RHBDL2: variants seen among roughly 807,000 people sequenced by gnomAD.
RHBDL2 encodes rhomboid like 2.
RHBDL2 carries 26 observed loss-of-function variants against 31.7 expected under a neutral mutation model. That is an observed-to-expected ratio of 0.82 (90% CI 0.60 to 1.14). The LOEUF (loss-of-function observed/expected upper bound fraction) is 1.14, where lower values mean the gene tolerates loss of function less well. Ranked by LOEUF, RHBDL2 falls within the 50% of genes most tolerant of loss-of-function variation. RHBDL2 has a pLI of 0.00. For missense variants in RHBDL2, 336 were observed against 364.4 expected (o/e 0.92, Z 0.63); for synonymous variants, 123 against 127.2 (o/e 0.97, Z 0.22).
chr1:38,935,396 G>A (rs918270035), intron 1 of RHBDL2, among the ~76,000 whole-genome samples: 8 of 152,282 alleles, frequency 5.3e-5, no homozygotes, highest in African/African-American at 1.9e-4. Flanking sequence ...AATTCTAGAG[G>A]AATTCAAAGG....
At chr1:38,915,362 T>G (rs1643218323) in intron 3 of RHBDL2, 200 bp downstream of exon 3, 1 of 508,822 alleles carries the variant, frequency 2.0e-6, no homozygotes, top group Non-Finnish European at 3.5e-6. Flanking sequence ...TGACCTCAAG[T>G]GATCTGCCCA....
At chr1:38,941,077 G>A (rs1177898482) in intron 1 of RHBDL2, among the ~76,000 whole-genome samples, 1 of 152,214 alleles carries the variant, frequency 6.6e-6, no homozygotes, top group Non-Finnish European at 1.5e-5. Flanking sequence ...CCCAAGAGGA[G>A]CAGAAATTGC....
At chr1:38,917,110 T>C (rs898588104) in intron 2 of RHBDL2, among the ~76,000 whole-genome samples, 2 of 147,832 alleles carry the variant, frequency 1.4e-5, no homozygotes, top group Non-Finnish European at 3.0e-5. Context: ...TTCTGCCTCC[T>C]GGGTTCACGC....
At chr1:38,903,381 C>G (rs1022714294) in intron 4 of RHBDL2, among the ~76,000 whole-genome samples, 10 of 152,034 alleles carry the variant, frequency 6.6e-5, no homozygotes, top group African/African-American at 2.4e-4. Context: ...CTCAGGCGAT[C>G]CACCTGCCTC....
At chr1:38,935,907 C>T (rs1389787041) in intron 1 of RHBDL2, among the ~76,000 whole-genome samples, 1 of 151,956 alleles carries the variant, frequency 6.6e-6, no homozygotes, top group African/African-American at 2.4e-5. Flanking sequence ...AGCCACCACA[C>T]CCGGCCCTAT....
intron 1 of RHBDL2, among the ~76,000 whole-genome samples, chr1:38,940,610 G>A (rs574953924): frequency 1.3e-5 from 2 of 152,256 alleles, no homozygotes; most frequent in East Asian, 3.9e-4. Context: ...CTAAGGTGAG[G>A]GAGTTGCTGG....
chr1:38,901,841 A>AAAAT (rs139309825), intron 4 of RHBDL2, among the ~76,000 whole-genome samples: 36,164 of 148,890 alleles, frequency 0.24, 4,742 homozygotes, highest in Non-Finnish European at 0.31. Context: ...CAAAAAAAAT[A>AAAAT]AAATAAATAA....
intron 1 of RHBDL2, among the ~76,000 whole-genome samples, chr1:38,940,471 C>T (rs1455862568): frequency 6.6e-6 from 1 of 152,144 alleles, no homozygotes; most frequent in East Asian, 1.9e-4. Context: ...CCTCCCAAAT[C>T]ACTGGGAGCG....
chr1:38,929,365 T>C, intron 1 of RHBDL2: 3 of 1,279,804 alleles, frequency 2.3e-6, no homozygotes, highest in Non-Finnish European at 3.1e-6. Flanking sequence ...TTTGCCTCTT[T>C]GAGAAGCCAG....
intron 1 of RHBDL2, among the ~76,000 whole-genome samples, chr1:38,936,836 G>A (rs1179465375): frequency 1.3e-5 from 2 of 151,958 alleles, no homozygotes; most frequent in Non-Finnish European, 2.9e-5. Context: ...GTTTCACCAT[G>A]TTGGCCAGGC....
At chr1:38,921,555 C>T (rs1433292828) in intron 1 of RHBDL2, among the ~76,000 whole-genome samples, 1 of 152,088 alleles carries the variant, frequency 6.6e-6, no homozygotes, top group Non-Finnish European at 1.5e-5. Context: ...AGATCAAATT[C>T]AACTGATTTT....
At chr1:38,887,611 G>C (rs1642801477) in intron 7 of RHBDL2, among the ~76,000 whole-genome samples, 1 of 152,074 alleles carries the variant, frequency 6.6e-6, no homozygotes, top group Non-Finnish European at 1.5e-5. Flanking sequence ...TTTTAGTAGA[G>C]ACGGGGTTTC....
At chr1:38,886,733 G>A (rs1001312023) in intron 7 of RHBDL2, 50 bp from the exon 8 acceptor site, 1 of 1,372,988 alleles carries the variant, frequency 7.3e-7, no homozygotes, top group Non-Finnish European at 9.8e-7. Context: ...AATGCTAATT[G>A]TGTATTTCAG....
At chr1:38,934,102 C>A (rs1643466599) in intron 1 of RHBDL2, among the ~76,000 whole-genome samples, 1 of 152,062 alleles carries the variant, frequency 6.6e-6, no homozygotes, top group South Asian at 2.1e-4. Context: ...AATCCCAGCA[C>A]TTTGGGAAAC....
At chr1:38,920,229 G>A (rs1385567805) in intron 1 of RHBDL2, among the ~76,000 whole-genome samples, 7 of 137,458 alleles carry the variant, frequency 5.1e-5, no homozygotes, top group African/African-American at 1.9e-4. Flanking sequence ...GTCCAGTGGT[G>A]CGATCTCGGC....
chr1:38,924,369 C>T (rs540481086), intron 1 of RHBDL2, among the ~76,000 whole-genome samples: 27 of 152,182 alleles, frequency 1.8e-4, no homozygotes, highest in Non-Finnish European at 2.2e-4. Context: ...CGGAGGCAGG[C>T]GGATCACAAG....
chr1:38,914,932 G>A (rs1457650357), intron 3 of RHBDL2, among the ~76,000 whole-genome samples: 2 of 151,008 alleles, frequency 1.3e-5, no homozygotes, highest in Non-Finnish European at 3.0e-5. Context: ...AGGAGGCTGA[G>A]GCAGGAGAAT....
At chr1:38,893,863 CTGAGTAGCTGG>C (rs542184471) in intron 5 of RHBDL2, among the ~76,000 whole-genome samples, 160 of 152,144 alleles carry the variant, frequency 1.1e-3, no homozygotes, top group Non-Finnish European at 1.7e-3. Context: ...TCTCAGACTC[CTGAGTAGCTGG>C]GACTACAGGT....
At chr1:38,899,116 G>C (rs4970635) in intron 4 of RHBDL2, among the ~76,000 whole-genome samples, 26,758 of 152,082 alleles carry the variant, frequency 0.18, 2,541 homozygotes, top group Non-Finnish European at 0.22. Flanking sequence ...ATCCTTGTTT[G>C]AACAGGATTT....
Sources: gnomAD v4.1 joint callset for allele counts (sites outside exome capture counted in the v4.1 genomes callset) on GRCh38, gnomAD v4.1.1 for gene constraint, MANE v1.5 for transcripts, NCBI Gene and HGNC (gene_info 2026-07-23, HGNC 2026-07-21) for gene names.